The following CTCF variants were observed in gnomAD, a reference collection of about 807,000 sequenced individuals.
The protein encoded by CTCF is CCCTC-binding factor, also known as transcriptional repressor CTCF.
CTCF carries 7 observed loss-of-function variants against 72.3 expected under a neutral mutation model. The observed-to-expected ratio is 0.10, with a 90% confidence interval of 0.06 to 0.18. The LOEUF is 0.18. Ranked by LOEUF, CTCF falls within the 10% of genes least tolerant of loss-of-function variation. The pLI is 1.00. For missense variants in CTCF, 516 were observed against 949.1 expected (o/e 0.54, Z 6.00); for synonymous variants, 374 against 315.8 (o/e 1.18, Z -1.95).
chr16:67,622,811 A>ATTTT (rs951749794), intron 7 of CTCF, among the ~76,000 whole-genome samples: 2 of 123,930 alleles, frequency 1.6e-5, no homozygotes, highest in African/African-American at 3.1e-5. Context: ...GCCCGGCTAA[A>ATTTT]TTTTTTTTTT....
chr16:67,598,863 A>G (rs1053131946), intron 2 of CTCF, among the ~76,000 whole-genome samples: 1 of 152,220 alleles, frequency 6.6e-6, no homozygotes, highest in South Asian at 2.1e-4. Context: ...GCCTCGGTGG[A>G]TTTACCAATT....
chr16:67,601,164 G>A (rs748302670), intron 2 of CTCF, among the ~76,000 whole-genome samples: 7 of 151,704 alleles, frequency 4.6e-5, no homozygotes, highest in African/African-American at 1.2e-4. Context: ...GACTCCCATC[G>A]TCTGGAAAGA....
chr16:67,617,212 A>C (rs2052143268), intron 5 of CTCF, among the ~76,000 whole-genome samples: 1 of 151,506 alleles, frequency 6.6e-6, no homozygotes, highest in Admixed American at 6.6e-5. Flanking sequence ...AAAATAAAAA[A>C]TTTAGGCTGG....
chr16:67,600,698 G>A (rs1232420711), intron 2 of CTCF, among the ~76,000 whole-genome samples: 4 of 152,048 alleles, frequency 2.6e-5, no homozygotes, highest in Non-Finnish European at 5.9e-5. Context: ...TTTTGAGATA[G>A]AGCAAAGCCA....
intron 10 of CTCF, among the ~76,000 whole-genome samples, chr16:67,631,671 G>GC (rs2052366666): frequency 3.0e-4 from 31 of 104,588 alleles, no homozygotes; most frequent in Non-Finnish European, 5.0e-4. Flanking sequence ...CTGTAACAAG[G>GC]TCCCCCCCAC....
At position 67,618,329 on chromosome 16, in the gene CTCF, G is replaced by A. The variant is rs550316402; in HGVS notation, c.1086+1451G>A. Among the ~76,000 whole-genome samples, 114 of 152,316 alleles carry A rather than the reference G, an allele frequency of 7.5e-4. 2 individuals are homozygous for A. The highest frequency in any genetic ancestry group is 2.7e-3 in the African/African-American group (111 of 41,570). On this transcript the variant is annotated intron_variant, in intron 5 of 11. Coordinates refer to ENST00000264010, the MANE Select transcript of CTCF (RefSeq NM_006565.4). ...AGGCAGGAGAATCACTTGAACCTGG[G>A]AGGTGAAGGTTGCATTGAGGCAAGA...
At chr16:67,576,160 A>AAAC (rs2051493816) in intron 2 of CTCF, among the ~76,000 whole-genome samples, 1 of 151,612 alleles carries the variant, frequency 6.6e-6, no homozygotes, top group African/African-American at 2.4e-5. Context: ...AAAAAAAAAA[A>AAAC]AACGGAAGGC....
chr16:67,604,272 G>A (rs752106717), intron 2 of CTCF, among the ~76,000 whole-genome samples: 4 of 152,266 alleles, frequency 2.6e-5, no homozygotes, highest in African/African-American at 9.6e-5. Context: ...TCCTACCACT[G>A]CACTCCAGTC....
chr16:67,575,627 G>A (rs1195096967), intron 2 of CTCF, among the ~76,000 whole-genome samples: 1 of 152,050 alleles, frequency 6.6e-6, no homozygotes, highest in African/African-American at 2.4e-5. Flanking sequence ...ATTTTTAGTA[G>A]AGACGGGGTT....
intron 4 of CTCF, 74 bp from the exon 5 acceptor site, chr16:67,616,671 T>C: frequency 1.3e-6 from 2 of 1,539,454 alleles, no homozygotes; most frequent in Admixed American, 1.7e-5. Flanking sequence ...ATAGCAGTTC[T>C]GTGCCACACA....
At chr16:67,613,607 T>C (rs1229156612) in intron 4 of CTCF, among the ~76,000 whole-genome samples, 1 of 152,152 alleles carries the variant, frequency 6.6e-6, no homozygotes, top group African/African-American at 2.4e-5. Context: ...AAACCGCCTC[T>C]GTACTGAAAA....
intron 2 of CTCF, among the ~76,000 whole-genome samples, chr16:67,584,587 A>G (rs972701437): frequency 1.3e-5 from 2 of 150,918 alleles, no homozygotes; most frequent in South Asian, 2.1e-4. Context: ...TGGCCTCCCA[A>G]AGTGCTGGGA....
chr16:67,603,343 C>T (rs556923830), intron 2 of CTCF, among the ~76,000 whole-genome samples: 7 of 152,106 alleles, frequency 4.6e-5, no homozygotes, highest in Non-Finnish European at 8.8e-5. Context: ...TCCTGCCTAA[C>T]ATGGTGAAAC....
intron 2 of CTCF, among the ~76,000 whole-genome samples, chr16:67,577,500 C>G (rs1199060579): frequency 3.4e-5 from 5 of 148,654 alleles, no homozygotes; most frequent in Non-Finnish European, 5.9e-5. Context: ...TGCAGTGGTG[C>G]GATATTGGCT....
chr16:67,603,146 C>A (rs1307136554), intron 2 of CTCF, among the ~76,000 whole-genome samples: 2 of 151,974 alleles, frequency 1.3e-5, no homozygotes, highest in Non-Finnish European at 2.9e-5. Context: ...AATCACAGCA[C>A]TTTGGTAGTC....
intron 2 of CTCF, among the ~76,000 whole-genome samples, chr16:67,578,325 C>CTTTTTTTTT (rs944395345): frequency 3.6e-5 from 3 of 84,480 alleles, no homozygotes; most frequent in African/African-American, 5.1e-5. Flanking sequence ...GTTTATGTAT[C>CTTTTTTTTT]TTTTTTTTTT....
intron 2 of CTCF, among the ~76,000 whole-genome samples, chr16:67,588,124 C>G (rs1161387288): frequency 2.6e-4 from 39 of 152,098 alleles, no homozygotes; most frequent in Non-Finnish European, 5.1e-4. Context: ...TCCCAAAGTG[C>G]TGGGATTACA....
chr16:67,607,874 C>T (rs2051997815), intron 2 of CTCF, among the ~76,000 whole-genome samples: 2 of 151,064 alleles, frequency 1.3e-5, no homozygotes, highest in South Asian at 4.2e-4. Context: ...AGAAAATTAG[C>T]CAGGTGTGGT....
chr16:67,636,901 G>T (rs771024968), intron 11 of CTCF, 50 bp downstream of exon 11: 4 of 1,418,902 alleles, frequency 2.8e-6, no homozygotes, highest in South Asian at 3.3e-5. Context: ...CCGAGCATGT[G>T]GGGGAGCCAG....
Sources: allele counts gnomAD v4.1 joint callset (sites outside exome capture counted in the v4.1 genomes callset), GRCh38; gene constraint gnomAD v4.1.1; transcripts MANE v1.5; gene names NCBI Gene and HGNC (gene_info 2026-07-23, HGNC 2026-07-21).